Variants in STK32A observed in about 807,000 individuals in gnomAD.
STK32A encodes the protein serine/threonine-protein kinase 32A.
Under a neutral mutation model 53.2 loss-of-function variants are expected in STK32A, and 41 were observed. That is an observed-to-expected ratio of 0.77 (90% CI 0.60 to 1.00). The LOEUF (loss-of-function observed/expected upper bound fraction) is 1.00. Among genes scored for constraint, STK32A ranks in the 50% least tolerant of loss-of-function variants. STK32A has a pLI of 0.00. For synonymous variants in STK32A, 166 were observed against 162.8 expected (o/e 1.02, Z -0.15); for missense variants, 458 against 485.8 (o/e 0.94, Z 0.54).
chr5:147,320,043 A>G (rs1162524303), intron 4 of STK32A, among the ~76,000 whole-genome samples: 1 of 152,218 alleles, frequency 6.6e-6, no homozygotes, highest in South Asian at 2.1e-4. Context: ...TCATAAAAAA[A>G]ATCATAACGT....
intron 5 of STK32A, among the ~76,000 whole-genome samples, chr5:147,329,861 T>C (rs1754779179): frequency 6.6e-6 from 1 of 152,244 alleles, no homozygotes; most frequent in African/African-American, 2.4e-5. Context: ...ATTCAATGAC[T>C]GAACAAATGA....
intron 2 of STK32A, among the ~76,000 whole-genome samples, chr5:147,244,520 T>C (rs1753705423): frequency 1.3e-5 from 2 of 152,070 alleles, no homozygotes. Context: ...TGGGCTAGAG[T>C]ATTGGAAAGG....
At chr5:147,330,124 G>A (rs563047499) in intron 5 of STK32A, among the ~76,000 whole-genome samples, 36 of 152,260 alleles carry the variant, frequency 2.4e-4, no homozygotes, top group African/African-American at 8.7e-4. Flanking sequence ...AGGTGTCTGG[G>A]CACAGTCTAG....
rs1754427160 is a variant in STK32A, at chr5:147,323,617, A to T, written c.261-281A>T. Among the ~76,000 whole-genome samples, 6 of 152,344 alleles carry T rather than the reference A, an allele frequency of 3.9e-5. No individual in the cohort carries two copies. The South Asian group carries it at 1.2e-3, about 32-fold the overall frequency. On this transcript the variant is annotated intron_variant, in intron 4 of 12. Coordinates refer to ENST00000397936, the MANE Select transcript of STK32A (RefSeq NM_001112724.2). ...TTTTCTGTGTTTTATTGCTACATGAATAAACAGTTATTGAGTGCTTACTGT... is the reference window on the plus strand; with the variant it reads ...TTTTCTGTGTTTTATTGCTACATGATTAAACAGTTATTGAGTGCTTACTGT...
intron 1 of STK32A, among the ~76,000 whole-genome samples, chr5:147,236,609 G>C (rs1753334741): frequency 1.3e-5 from 2 of 152,122 alleles, no homozygotes. Context: ...TGTATGTTAG[G>C]TGCAATGAAG....
In STK32A at chr5:147,355,026, A is replaced by G. The variant is rs866698605; in HGVS notation, c.562+3872A>G. Among the ~76,000 whole-genome samples the G allele has an allele frequency of 3.3e-5, 5 of 152,298 alleles. No individual in the cohort carries two copies. In the South Asian group the frequency reaches 1.0e-3, roughly 32 times the overall value. On this transcript the variant is annotated intron_variant, in intron 7 of 12. Transcript: ENST00000397936. ...TGCTCCCAATGGTTTGGTAAAATCT[A>G]CCAAATCTATCAGCACCCATTTTAT...
intron 4 of STK32A, among the ~76,000 whole-genome samples, chr5:147,309,427 C>T (rs1239714413): frequency 6.6e-6 from 1 of 152,142 alleles, no homozygotes; most frequent in Non-Finnish European, 1.5e-5. Context: ...CCATTTGAGA[C>T]TTGTAGTTAT....
intron 6 of STK32A, among the ~76,000 whole-genome samples, chr5:147,347,671 A>G (rs1755756086): frequency 1.3e-5 from 2 of 152,210 alleles, no homozygotes; most frequent in Admixed American, 1.3e-4. Flanking sequence ...GCCTGGGCTA[A>G]TGAAAAAAGC....
chr5:147,287,356 G>T (rs914883166), intron 4 of STK32A, among the ~76,000 whole-genome samples: 1 of 151,996 alleles, frequency 6.6e-6, no homozygotes, highest in Non-Finnish European at 1.5e-5. Flanking sequence ...TGCATACCAA[G>T]AAGTTCTGAC....
Position 147,384,584 on chromosome 5 carries a change from G to A in STK32A, c.*601G>A. The A allele has an allele frequency of 1.7e-6, 1 of 602,358 alleles. No homozygotes were observed. Among genetic ancestry groups the A allele is most frequent in the South Asian group, 2.8e-5 (1 of 36,306 alleles). The allele number at this position is 602,358 out of a possible 1,614,324, so 37.3% of individuals were successfully genotyped here. A position where few individuals can be genotyped will look rare whatever the true frequency, so the allele number is the denominator to read the frequency against. Reference sequence around the variant, plus strand: ...GCATTAGATCCGCTTATCTCAGCTGGCAGGAGCCTGCTGTGCACACCACTT... The same window carrying A: ...GCATTAGATCCGCTTATCTCAGCTGACAGGAGCCTGCTGTGCACACCACTT... On this transcript the variant is annotated 3_prime_UTR_variant, in exon 13 of 13. Transcript: ENST00000397936.
chr5:147,254,858 G>C (rs1754155342), intron 2 of STK32A, among the ~76,000 whole-genome samples: 1 of 152,188 alleles, frequency 6.6e-6, no homozygotes, highest in African/African-American at 2.4e-5. Context: ...GTAGAAGGCA[G>C]GCTGGGCGCG....
chr5:147,239,649 T>C lies in STK32A; in HGVS notation c.15T>C (p.Thr5=). 6.2e-7 allele frequency: 1 copy of C among 1,608,918 alleles called. No individual in the cohort carries two copies. Residue 5 remains threonine, a synonymous_variant, in exon 2 of 13, where the codon ACT becomes ACC. Coordinates refer to ENST00000397936, the MANE Select transcript of STK32A (RefSeq NM_001112724.2). ...CAGATTCAACCATGGGAGCGAACAC[T>C]TCAAGAAAACCACCAGTGTTTGATG... MGAN[T]SRKPPVFDEN... is the part of the protein sequence containing the mutation.
At chr5:147,352,690 T>C (rs1457036729) in intron 7 of STK32A, among the ~76,000 whole-genome samples, 1 of 152,246 alleles carries the variant, frequency 6.6e-6, no homozygotes, top group Non-Finnish European at 1.5e-5. Flanking sequence ...AATTTAATTC[T>C]TGATTAGATA....
chr5:147,339,431 C>A (rs1755295731), intron 5 of STK32A, among the ~76,000 whole-genome samples: 5 of 152,216 alleles, frequency 3.3e-5, no homozygotes, highest in Admixed American at 3.3e-4. Context: ...TTATGGAGAA[C>A]CTCTGCTAGG....
chr5:147,393,318 C>T, the STK32A span: 1 of 152,262 alleles, frequency 6.6e-6, no homozygotes, highest in Non-Finnish European at 1.5e-5. Context: ...GAAAGCAACA[C>T]TAAGAAAGAG....
chr5:147,296,173 C>T (rs1008866236), intron 4 of STK32A, among the ~76,000 whole-genome samples: 2 of 152,114 alleles, frequency 1.3e-5, no homozygotes, highest in African/African-American at 4.8e-5. Context: ...TCAATTCTTG[C>T]CTACTCTCAA....
chr5:147,327,611 G>A (rs1188197956), intron 5 of STK32A, among the ~76,000 whole-genome samples: 1 of 152,208 alleles, frequency 6.6e-6, no homozygotes, highest in Non-Finnish European at 1.5e-5. Context: ...TTTGCTTAGG[G>A]TTTCCTGGGT....
chr5:147,380,398 C>T (rs1373212306), intron 11 of STK32A, among the ~76,000 whole-genome samples: 1 of 152,034 alleles, frequency 6.6e-6, no homozygotes, highest in Non-Finnish European at 1.5e-5. Flanking sequence ...TGTTTCCTCT[C>T]CTGTCACCTA....
At chr5:147,389,359 G>A (rs1287315829), downstream of STK32A, among the ~76,000 whole-genome samples, 1 of 152,138 alleles carries the variant, frequency 6.6e-6, no homozygotes, top group Non-Finnish European at 1.5e-5. Context: ...GTTATTGGGA[G>A]TCCATGTGGT....
Sources: allele counts gnomAD v4.1 joint callset (sites outside exome capture counted in the v4.1 genomes callset), GRCh38; gene constraint gnomAD v4.1.1; transcripts MANE v1.5; gene names NCBI Gene and HGNC (gene_info 2026-07-23, HGNC 2026-07-21).